The following FOXP2 variants were observed in gnomAD, a reference collection of about 807,000 sequenced individuals.
FOXP2 encodes the protein forkhead box P2.
FOXP2 carries 12 observed loss-of-function variants against 115.8 expected under a neutral mutation model. The ratio of observed to expected loss-of-function variants is 0.10; its 90% CI spans 0.07 to 0.17. The LOEUF (loss-of-function observed/expected upper bound fraction) is 0.17, where lower values mean the gene tolerates loss of function less well. FOXP2 is among the 10% of genes least tolerant of loss of function. FOXP2 has a pLI of 1.00. For missense variants in FOXP2, 629 were observed against 843.5 expected (o/e 0.75, Z 3.15); for synonymous variants, 328 against 297.7 (o/e 1.10, Z -1.05).
chr7:114,090,028 A>C (rs1433120746), intron 1 of FOXP2, among the ~76,000 whole-genome samples: 1 of 151,898 alleles, frequency 6.6e-6, no homozygotes, highest in East Asian at 1.9e-4. Flanking sequence ...TTTATTTGTG[A>C]CGTTTTTGGA....
chr7:114,122,032 C>T (rs1791580997), intron 1 of FOXP2, among the ~76,000 whole-genome samples: 1 of 152,046 alleles, frequency 6.6e-6, no homozygotes, highest in South Asian at 2.1e-4. Context: ...AACTTGATAG[C>T]ATTATAATTA....
chr7:114,406,809 A>G lies in FOXP2; in HGVS notation c.-10-19693A>G, dbSNP rs1793047375. Among the ~76,000 whole-genome samples, 3 of 151,744 alleles carry G rather than the reference A, an allele frequency of 2.0e-5. No individual in the cohort carries two copies. In the South Asian group the frequency reaches 6.2e-4, roughly 32 times the overall value. ...TTCTTTCTCCCTCAGTTCCCGCTTTACCTCCTCCCTCTCTCCCTAGCCTAA... is the reference window on the plus strand; with the variant it reads ...TTCTTTCTCCCTCAGTTCCCGCTTTGCCTCCTCCCTCTCTCCCTAGCCTAA... On this transcript the variant is annotated intron_variant, in intron 2 of 17. Transcript: ENST00000634411.
At chr7:114,463,566 T>C (rs973477933) in intron 2 of FOXP2, among the ~76,000 whole-genome samples, 5 of 152,234 alleles carry the variant, frequency 3.3e-5, no homozygotes, top group Non-Finnish European at 7.3e-5. Flanking sequence ...GATAGACCAC[T>C]GAATATCAAA....
chr7:114,230,252 GA>G (rs1336902820), intron 1 of FOXP2, among the ~76,000 whole-genome samples: 2 of 151,848 alleles, frequency 1.3e-5, no homozygotes, highest in East Asian at 1.9e-4. Context: ...TCTTAACAAA[GA>G]AAAGTCCAGA....
chr7:114,314,178 G>A (rs550289356), intron 2 of FOXP2, among the ~76,000 whole-genome samples: 24 of 151,154 alleles, frequency 1.6e-4, no homozygotes, highest in African/African-American at 4.6e-4. Context: ...ATATGGTCAC[G>A]GTAGTTTGAA....
chr7:114,628,766 A>C, intron 4 of FOXP2, 89 bp downstream of exon 4: 1 of 1,530,982 alleles, frequency 6.5e-7, no homozygotes, highest in South Asian at 1.1e-5. Flanking sequence ...TTGACAATTC[A>C]GTCTCCATTT....
chr7:114,322,466 A>G (rs796192738), intron 2 of FOXP2, among the ~76,000 whole-genome samples: 13 of 152,168 alleles, frequency 8.5e-5, no homozygotes, highest in African/African-American at 3.1e-4. Context: ...GTGAGACTTT[A>G]TCTCTACAAA....
chr7:114,627,199 T>C (rs1473398367), intron 3 of FOXP2, among the ~76,000 whole-genome samples: 1 of 151,672 alleles, frequency 6.6e-6, no homozygotes, highest in African/African-American at 2.4e-5. Flanking sequence ...TTCTCCTTTC[T>C]CCATAACATA....
At chr7:114,647,558 A>C (rs1805981337) in intron 8 of FOXP2, among the ~76,000 whole-genome samples, 2 of 151,992 alleles carry the variant, frequency 1.3e-5, no homozygotes. Context: ...AAGGGAGTCC[A>C]GGATAAAAAA....
chr7:114,296,976 T>A (rs895557685), intron 2 of FOXP2: 6 of 220,546 alleles, frequency 2.7e-5, no homozygotes, highest in African/African-American at 7.0e-5. Context: ...GTTAATTTTT[T>A]AAAAATTTTG....
chr7:114,196,451 A>G lies in FOXP2; in HGVS notation c.-102+33363A>G, dbSNP rs541505481. Reference sequence around the variant, plus strand: ...TGGTGATTATTAAACTATATTGGAGAAAAATTATTAAACTATATTGGAGAA... The same window carrying G: ...TGGTGATTATTAAACTATATTGGAGGAAAATTATTAAACTATATTGGAGAA... On this transcript the variant is annotated intron_variant, in intron 1 of 17. Transcript: ENST00000634411. Among the ~76,000 whole-genome samples, 9 of 152,322 alleles carry G rather than the reference A, an allele frequency of 5.9e-5. No homozygotes were observed. The South Asian group carries it at 1.9e-3, about 32-fold the overall frequency.
Position 114,672,077 on chromosome 7 carries a change from A to G in FOXP2, c.2003+7641A>G, listed in dbSNP as rs574310394. ...TCATTTCACATAACTACTGAAAACT[A>G]ACATTGTTTAGTTTGTTCAACATTA... On this transcript the variant is annotated intron_variant, in intron 16 of 16. Transcript: ENST00000350908. 3.9e-5 allele frequency among the ~76,000 whole-genome samples: 6 copies of G among 152,338 alleles called. No homozygotes were observed. The South Asian group carries it at 1.2e-3, about 32-fold the overall frequency.
At chr7:114,414,157 AC>A (rs1175580103), upstream of FOXP2, 3 of 152,150 alleles carry the variant, frequency 2.0e-5, no homozygotes, top group Non-Finnish European at 4.4e-5. Context: ...GTTTGAGGCT[AC>A]CATTTCTCTT....
intron 1 of FOXP2, among the ~76,000 whole-genome samples, chr7:114,252,232 G>A (rs540690764): frequency 3.2e-4 from 48 of 152,082 alleles, no homozygotes; most frequent in Non-Finnish European, 5.1e-4. Flanking sequence ...ATATTTATCA[G>A]GGATATTGGT....
At chr7:114,415,494 T>G (rs1030847689) in intron 1 of FOXP2, 134 bp downstream of exon 1, 6 of 360,250 alleles carry the variant, frequency 1.7e-5, no homozygotes, top group Non-Finnish European at 3.2e-5. Context: ...TGAAATGAAC[T>G]AGAGCATTGT....
intron 2 of FOXP2, among the ~76,000 whole-genome samples, chr7:114,389,827 T>C (rs983903189): frequency 7.2e-5 from 11 of 151,886 alleles, no homozygotes; most frequent in Non-Finnish European, 1.5e-4. Context: ...AGTTGGAGAC[T>C]AGCCTGGCCA....
At chr7:114,485,415 A>G (rs1244342786) in intron 2 of FOXP2, among the ~76,000 whole-genome samples, 5 of 151,968 alleles carry the variant, frequency 3.3e-5, no homozygotes, top group Admixed American at 3.3e-4. Flanking sequence ...ATTGTTTTAG[A>G]GGTCTTAAAT....
At chr7:114,523,856 T>C (rs1798742140) in intron 2 of FOXP2, among the ~76,000 whole-genome samples, 1 of 152,172 alleles carries the variant, frequency 6.6e-6, no homozygotes, top group Admixed American at 6.6e-5. Flanking sequence ...GATGGCTTTA[T>C]TACTCTTATG....
chr7:114,099,792 A>G (rs528123797), intron 1 of FOXP2, among the ~76,000 whole-genome samples: 2 of 152,290 alleles, frequency 1.3e-5, no homozygotes, highest in African/African-American at 4.8e-5. Flanking sequence ...AAATGGGGAC[A>G]TGTAGGCCAA....
Sources: gnomAD v4.1 joint callset for allele counts (sites outside exome capture counted in the v4.1 genomes callset) on GRCh38, gnomAD v4.1.1 for gene constraint, MANE v1.5 for transcripts, NCBI Gene and HGNC (gene_info 2026-07-23, HGNC 2026-07-21) for gene names.